Variants in GBE1 observed in about 807,000 individuals in gnomAD.
GBE1 encodes 1,4-alpha-glucan-branching enzyme.
Under a neutral mutation model 88.8 loss-of-function variants are expected in GBE1, and 70 were observed. The ratio of observed to expected loss-of-function variants is 0.79; its 90% confidence interval spans 0.65 to 0.96. The LOEUF is 0.96. GBE1 is among the 40% of genes least tolerant of loss of function. The probability of loss-of-function intolerance (pLI) is 0.00; values close to 1 mark genes in which losing one functional copy is unlikely to be tolerated. For missense variants in GBE1, 872 were observed against 871.0 expected (o/e 1.00, Z -0.01); for synonymous variants, 284 against 300.1 (o/e 0.95, Z 0.56).
intron 14 of GBE1, among the ~76,000 whole-genome samples, chr3:81,523,946 G>A (rs1702907049): frequency 6.6e-6 from 1 of 151,788 alleles, no homozygotes; most frequent in Non-Finnish European, 1.5e-5. Context: ...AGTGAACAGT[G>A]CTACAATAAA....
intron 11 of GBE1, among the ~76,000 whole-genome samples, chr3:81,580,818 C>T (rs748534133): frequency 4.6e-5 from 7 of 151,930 alleles, no homozygotes; most frequent in Non-Finnish European, 8.8e-5. Context: ...CAGCCTAAGA[C>T]GGAAACTAAA....
intron 1 of GBE1, among the ~76,000 whole-genome samples, chr3:81,715,259 G>A (rs955729255): frequency 2.8e-4 from 42 of 152,238 alleles, no homozygotes; most frequent in Admixed American, 2.7e-3. Context: ...TGTCTATCAA[G>A]ATCAAATGTA....
rs1480196395 is a variant in GBE1, at chr3:81,489,755, C to T, written c.*652G>A. 6.6e-6 allele frequency: 1 copy of T among 152,042 alleles called. No homozygotes were observed. Among genetic ancestry groups the T allele is most frequent in the African/African-American group, 2.4e-5 (1 of 41,422 alleles). 9.4% of individuals were successfully genotyped at this position (152,042 alleles called of 1,614,324 possible). A position where few individuals can be genotyped will look rare whatever the true frequency, so the allele number is the denominator to read the frequency against. On this transcript the variant is annotated 3_prime_UTR_variant, in exon 16 of 16. Transcript: ENST00000429644. ...ATGAAAGACATTTTCTGAAATGCTA[C>T]AATTACCATTTCAGGGCTTCAGAAA...
At chr3:81,702,237 TAA>T (rs1323359679) in intron 2 of GBE1, among the ~76,000 whole-genome samples, 1 of 151,502 alleles carries the variant, frequency 6.6e-6, no homozygotes, top group Non-Finnish European at 1.5e-5. Context: ...CTGTGTTCAC[TAA>T]AGTCATACTG....
chr3:81,682,705 C>G (rs547281384), intron 2 of GBE1, among the ~76,000 whole-genome samples: 1 of 152,166 alleles, frequency 6.6e-6, no homozygotes, highest in African/African-American at 2.4e-5. Context: ...TCCTCAAAAG[C>G]TAAAGACAGA....
At chr3:81,681,219 A>G (rs1411688170) in intron 2 of GBE1, among the ~76,000 whole-genome samples, 1 of 152,190 alleles carries the variant, frequency 6.6e-6, no homozygotes, top group Non-Finnish European at 1.5e-5. Flanking sequence ...CAGTCATCCT[A>G]TGGGCCAAGA....
intron 12 of GBE1, among the ~76,000 whole-genome samples, chr3:81,539,877 C>T (rs912115202): frequency 1.6e-4 from 25 of 151,702 alleles, no homozygotes; most frequent in African/African-American, 5.6e-4. Flanking sequence ...TTTAGAAGAA[C>T]GATAAAAATA....
intron 1 of GBE1, among the ~76,000 whole-genome samples, chr3:81,748,775 G>A (rs1313055498): frequency 6.6e-6 from 1 of 152,016 alleles, no homozygotes; most frequent in African/African-American, 2.4e-5. Context: ...TTGGGAGGCA[G>A]AGGTGGGTGG....
rs373639712 is a variant in GBE1, at chr3:81,539,100, T to C, written c.1619-2005A>G. Among the ~76,000 whole-genome samples the C allele has an allele frequency of 5.3e-5, 8 of 152,166 alleles. No individual in the cohort carries two copies. In the South Asian group the frequency reaches 1.7e-3, roughly 32 times the overall value. Reference sequence around the variant, plus strand: ...AAGGTAGGTAATATCATTATTTCAATTTTACAGATAAGGAAACTGAGGCAC... The same window carrying C: ...AAGGTAGGTAATATCATTATTTCAACTTTACAGATAAGGAAACTGAGGCAC... On this transcript the variant is annotated intron_variant, in intron 12 of 15. Transcript: ENST00000429644.
At position 81,548,462 on chromosome 3, in the gene GBE1, T is replaced by G. The variant is rs142441436; in HGVS notation, c.1619-11367A>C. On this transcript the variant is annotated intron_variant, in intron 12 of 15. Transcript: ENST00000429644. ...TTGGGCTATATTTGTTTAAATATGTTGTTGGTATGTGTTCCAAAATTACGT... is the reference window on the plus strand; with the variant it reads ...TTGGGCTATATTTGTTTAAATATGTGGTTGGTATGTGTTCCAAAATTACGT... Among the ~76,000 whole-genome samples, 532 of 151,568 alleles carry G rather than the reference T, an allele frequency of 3.5e-3. 2 individuals are homozygous for G. The highest frequency in any genetic ancestry group is 0.012 in the African/African-American group (485 of 41,486).
intron 7 of GBE1, among the ~76,000 whole-genome samples, chr3:81,620,155 G>A (rs2107011125): frequency 6.6e-6 from 1 of 150,846 alleles, no homozygotes; most frequent in East Asian, 2.0e-4. Flanking sequence ...GACAGCATGA[G>A]AAGGTCAAAT....
At chr3:81,582,875 A>G (rs1703753495) in intron 10 of GBE1, among the ~76,000 whole-genome samples, 1 of 152,064 alleles carries the variant, frequency 6.6e-6, no homozygotes, top group Non-Finnish European at 1.5e-5. Flanking sequence ...AAAATGATAA[A>G]CTAGCTTCAT....
intron 12 of GBE1, among the ~76,000 whole-genome samples, chr3:81,563,078 G>A (rs567018579): frequency 6.6e-6 from 1 of 152,142 alleles, no homozygotes; most frequent in South Asian, 2.1e-4. Flanking sequence ...TAGCTCACCA[G>A]TTTGACAATA....
chr3:81,680,801 T>A (rs373434402), intron 2 of GBE1, among the ~76,000 whole-genome samples: 15 of 152,194 alleles, frequency 9.9e-5, no homozygotes, highest in African/African-American at 3.6e-4. Context: ...CCCAGAGAGC[T>A]CTCTTTCTGT....
chr3:81,686,071 C>A (rs1032717630), intron 2 of GBE1, among the ~76,000 whole-genome samples: 10 of 152,212 alleles, frequency 6.6e-5, no homozygotes, highest in Admixed American at 1.3e-4. Context: ...TGATACCCAT[C>A]TCAACTGGTT....
intron 7 of GBE1, among the ~76,000 whole-genome samples, chr3:81,641,021 G>C (rs1704670710): frequency 6.6e-6 from 1 of 152,042 alleles, no homozygotes; most frequent in African/African-American, 2.4e-5. Context: ...GATCCCTTTT[G>C]TTTAGAAAAT....
At chr3:81,700,673 C>T (rs532695418) in intron 2 of GBE1, among the ~76,000 whole-genome samples, 1 of 152,010 alleles carries the variant, frequency 6.6e-6, no homozygotes, top group Non-Finnish European at 1.5e-5. Context: ...TTTTATGACA[C>T]TGAAAACTTA....
chr3:81,609,196 T>C (rs571644847), intron 7 of GBE1, among the ~76,000 whole-genome samples: 3 of 152,270 alleles, frequency 2.0e-5, no homozygotes, highest in African/African-American at 7.2e-5. Flanking sequence ...GTGTCCTTCT[T>C]GTGCCTGTTT....
At chr3:81,613,812 T>C (rs80321065) in intron 7 of GBE1, among the ~76,000 whole-genome samples, 1,528 of 152,312 alleles carry the variant, frequency 0.01, 21 homozygotes, top group African/African-American at 0.035. Context: ...ATTGTAATTA[T>C]GTTCTTGTTT....
Sources: gnomAD v4.1 joint callset for allele counts (sites outside exome capture counted in the v4.1 genomes callset) on GRCh38, gnomAD v4.1.1 for gene constraint, MANE v1.5 for transcripts, NCBI Gene and HGNC (gene_info 2026-07-23, HGNC 2026-07-21) for gene names.